The following LZTS1 variants were observed in gnomAD, a reference collection of about 807,000 sequenced individuals.
LZTS1 encodes leucine zipper putative tumor suppressor 1.
Under a neutral mutation model 45.8 loss-of-function variants are expected in LZTS1, and 31 were observed. That is an observed-to-expected ratio of 0.68 (90% CI 0.51 to 0.91). The LOEUF (loss-of-function observed/expected upper bound fraction) is 0.91, where lower values mean the gene tolerates loss of function less well. Among genes scored for constraint, LZTS1 ranks in the 40% least tolerant of loss-of-function variants. LZTS1 has a pLI of 0.00. For synonymous variants in LZTS1, 359 were observed against 357.3 expected (o/e 1.00, Z -0.05); for missense variants, 821 against 788.9 (o/e 1.04, Z -0.49).
At chr8:20,286,542 T>G (rs999854354) in intron 1 of LZTS1, among the ~76,000 whole-genome samples, 1 of 152,228 alleles carries the variant, frequency 6.6e-6, no homozygotes, top group Non-Finnish European at 1.5e-5. Context: ...GAAACTCTCA[T>G]ACACCACTGG....
At chr8:20,250,689 C>T (rs763231223) in intron 3 of LZTS1, among the ~76,000 whole-genome samples, 8 of 152,144 alleles carry the variant, frequency 5.3e-5, no homozygotes, top group Non-Finnish European at 1.0e-4. Context: ...ACTGCAACCT[C>T]CGCCTCCCCT....
intron 1 of LZTS1, among the ~76,000 whole-genome samples, chr8:20,271,214 C>T (rs1479672825): frequency 6.6e-6 from 1 of 152,106 alleles, no homozygotes; most frequent in Non-Finnish European, 1.5e-5. Flanking sequence ...GTCACCTCTG[C>T]CCTGATTCCT....
chr8:20,261,972 C>T (rs114517298), intron 1 of LZTS1, among the ~76,000 whole-genome samples: 2 of 152,338 alleles, frequency 1.3e-5, no homozygotes, highest in South Asian at 2.1e-4. Flanking sequence ...TCCCCCTCTC[C>T]GTCCCACACC....
At chr8:20,303,096 TA>T (rs1273674935) in intron 1 of LZTS1, among the ~76,000 whole-genome samples, 2 of 152,092 alleles carry the variant, frequency 1.3e-5, no homozygotes, top group Admixed American at 6.5e-5. Flanking sequence ...GTGCTTTGAC[TA>T]AATTCCTGAA....
intron 1 of LZTS1, among the ~76,000 whole-genome samples, chr8:20,263,843 C>T (rs1023904287): frequency 2.6e-5 from 4 of 152,172 alleles, no homozygotes; most frequent in African/African-American, 7.2e-5. Context: ...TCGGACACCC[C>T]ACAGGGCAGC....
chr8:20,261,586 G>T lies in LZTS1; in HGVS notation c.-134-6271C>A, dbSNP rs1296457273. Among the ~76,000 whole-genome samples the T allele has an allele frequency of 2.0e-5, 3 of 152,200 alleles. No homozygotes were observed. In the East Asian group the frequency reaches 5.8e-4, roughly 29 times the overall value. ...ATTCTCCCTCCCAAAGGAAACCAAG[G>T]CTCAAGGCAAAGTGACACCTGCCTC... On this transcript the variant is annotated intron_variant, in intron 1 of 3. Coordinates refer to ENST00000381569, the MANE Select transcript of LZTS1 (RefSeq NM_021020.5).
intron 1 of LZTS1, among the ~76,000 whole-genome samples, chr8:20,281,835 A>G (rs755335210): frequency 2.0e-5 from 3 of 152,226 alleles, no homozygotes; most frequent in Non-Finnish European, 4.4e-5. Context: ...TCTCTTCTGT[A>G]TAAATTACCC....
Position 20,253,601 on chromosome 8 carries a change from A to G in LZTS1, c.346-16T>C, listed in dbSNP as rs1314371182. 7.0e-7 allele frequency: 1 copy of G among 1,433,522 alleles called. No homozygotes were observed. The highest frequency in any genetic ancestry group is 9.1e-7 in the Non-Finnish European group (1 of 1,094,962). 88.8% of individuals were successfully genotyped at this position (1,433,522 alleles called of 1,614,324 possible). ...TCTCGGAGCCCTGTAGAGGAAAAGGACCGCGGTGACTCATGCCTCCCCTGC... is the reference window on the plus strand; with the variant it reads ...TCTCGGAGCCCTGTAGAGGAAAAGGGCCGCGGTGACTCATGCCTCCCCTGC... On this transcript the variant is annotated splice_polypyrimidine_tract_variant and intron_variant, in intron 2 of 3. Coordinates refer to ENST00000381569, the MANE Select transcript of LZTS1 (RefSeq NM_021020.5).
intron 1 of LZTS1, among the ~76,000 whole-genome samples, chr8:20,280,802 C>T (rs1447312954): frequency 1.3e-5 from 2 of 152,180 alleles, no homozygotes; most frequent in African/African-American, 2.4e-5. Flanking sequence ...CCAGCCAGTT[C>T]TGGGAGCTGC....
intron 1 of LZTS1, among the ~76,000 whole-genome samples, chr8:20,266,587 G>A (rs1301428598): frequency 2.0e-5 from 3 of 146,478 alleles, no homozygotes; most frequent in Admixed American, 1.4e-4. Flanking sequence ...CCTGTTCGGC[G>A]TTTTGGACCA....
intron 3 of LZTS1, 64 bp from the exon 4 acceptor site, chr8:20,250,427 G>A (rs140308119): frequency 1.5e-5 from 22 of 1,479,078 alleles, no homozygotes; most frequent in Admixed American, 4.5e-5. Context: ...GGAAGTGACA[G>A]CTCAGCTGCC....
intron 1 of LZTS1, among the ~76,000 whole-genome samples, chr8:20,293,478 T>C (rs1171014073): frequency 9.9e-5 from 15 of 152,202 alleles, no homozygotes. Flanking sequence ...TCGGTGCTGA[T>C]TCTGTTTTGT....
At chr8:20,254,677 C>T (rs552185347) in intron 2 of LZTS1, among the ~76,000 whole-genome samples, 160 bp downstream of exon 2, 30 of 152,342 alleles carry the variant, frequency 2.0e-4, no homozygotes, top group African/African-American at 6.5e-4. Context: ...TTGATCTCTG[C>T]GGTGTGGCCA....
Position 20,251,098 on chromosome 8 carries a change from AATATATATATATATATAT to A in LZTS1, c.1150-753_1150-736del, listed in dbSNP as rs527759585. On this transcript the variant is annotated intron_variant, in intron 3 of 3. Coordinates refer to ENST00000381569, the MANE Select transcript of LZTS1 (RefSeq NM_021020.5). ...TGGTGAAGTGACCAGCCTGAGGGCT[AATATATATATATATATAT>A]ATATATATATATATATATATATATA... 7.9e-3 allele frequency among the ~76,000 whole-genome samples: 328 copies of A among 41,382 alleles called. 8 individuals carry two copies. The highest frequency in any genetic ancestry group is 0.019 in the African/African-American group (287 of 14,900). 27.1% of individuals were successfully genotyped at this position (41,382 alleles called of 152,430 possible). A position where few individuals can be genotyped will look rare whatever the true frequency, so the allele number is the denominator to read the frequency against.
At chr8:20,261,393 C>G (rs1273435346) in intron 1 of LZTS1, among the ~76,000 whole-genome samples, 1 of 152,202 alleles carries the variant, frequency 6.6e-6, no homozygotes, top group African/African-American at 2.4e-5. Flanking sequence ...AGCCCTCACA[C>G]CCCTCCCTGA....
Position 20,260,989 on chromosome 8 carries a change from G to A in LZTS1, c.-134-5674C>T, listed in dbSNP as rs1403132971. On this transcript the variant is annotated intron_variant, in intron 1 of 3. Transcript: ENST00000381569. ...AGAGAGCATTACACAAAACTCGGCT[G>A]TGTTCCATCCTGGTTCCCAAATCCA... Among the ~76,000 whole-genome samples, 3 of 152,196 alleles carry A rather than the reference G, an allele frequency of 2.0e-5. No individual in the cohort carries two copies. In the East Asian group the frequency reaches 5.8e-4, roughly 29 times the overall value.
chr8:20,257,565 G>C (rs1008871226), intron 1 of LZTS1, among the ~76,000 whole-genome samples: 2 of 152,094 alleles, frequency 1.3e-5, no homozygotes, highest in South Asian at 4.1e-4. Context: ...AGCCGACTTG[G>C]TGTGCATTCT....
chr8:20,291,835 A>C (rs547285612), intron 1 of LZTS1, among the ~76,000 whole-genome samples: 4 of 112,138 alleles, frequency 3.6e-5, no homozygotes, highest in Non-Finnish European at 8.9e-5. Context: ...CTGATTTCCA[A>C]AATCATGGTT....
At chr8:20,296,560 G>A (rs1444596260) in intron 1 of LZTS1, among the ~76,000 whole-genome samples, 3 of 147,550 alleles carry the variant, frequency 2.0e-5, no homozygotes, top group South Asian at 2.2e-4. Context: ...TGGATCTCCC[G>A]GGTCCTGACA....
Sources: gnomAD v4.1 joint callset for allele counts (sites outside exome capture counted in the v4.1 genomes callset) on GRCh38, gnomAD v4.1.1 for gene constraint, MANE v1.5 for transcripts, NCBI Gene and HGNC (gene_info 2026-07-23, HGNC 2026-07-21) for gene names.